SELPLG: variants seen among roughly 807,000 people sequenced by gnomAD.
The protein encoded by SELPLG is selectin P ligand.
Under a neutral mutation model 1.1 loss-of-function variants are expected in SELPLG, and 2 were observed. That is an observed-to-expected ratio of 1.82 (90% CI 0.74 to 5.71). The LOEUF is 5.71. Ranked by LOEUF, SELPLG falls within the 30% of genes most tolerant of loss-of-function variation. SELPLG has a pLI of 0.05. For missense variants in SELPLG, 478 were observed against 524.7 expected (o/e 0.91, Z 0.87); for synonymous variants, 230 against 221.2 (o/e 1.04, Z -0.35).
chr12:108,622,853 T>C lies in SELPLG; in HGVS notation c.*216A>G. On this transcript the variant is annotated 3_prime_UTR_variant, in exon 2 of 2. Coordinates refer to ENST00000550948, the MANE Select transcript of SELPLG (RefSeq NM_003006.4). ...TCGGCTGAAATGTGGCTGGGCTTCA[T>C]CCGCGGAGGGAGGAAAGAGGTGGCT... is the stretch of plus-strand genomic sequence containing the variant. 1 of 496,726 alleles carries C rather than the reference T, an allele frequency of 2.0e-6. No homozygotes were observed. The highest frequency in any genetic ancestry group is 3.5e-6 in the Non-Finnish European group (1 of 285,760). The allele number at this position is 496,726 out of a possible 1,614,324, so 30.8% of individuals were successfully genotyped here.
In SELPLG at chr12:108,623,720, T is replaced by C; in HGVS notation, c.588A>G (p.Pro196=). The change falls in exon 2 of 2, where the codon CCA becomes CCG. Residue 196 remains proline, a synonymous_variant. Transcript: ENST00000550948. ...CAGTGGTCTGTGCCTCCATGGCTGCTGGTGCAGTGGTCTGTGCCTCCAGGC... is the reference window on the plus strand; with the variant it reads ...CAGTGGTCTGTGCCTCCATGGCTGCCGGTGCAGTGGTCTGTGCCTCCAGGC... The part of the protein sequence containing the change: ...PTGLEAQTTA[P]AAMEAQTTAP... 1 of 1,600,814 alleles carries C rather than the reference T, an allele frequency of 6.2e-7. No individual in the cohort carries two copies. Among genetic ancestry groups the C allele is most frequent in the Non-Finnish European group, 8.5e-7 (1 of 1,177,014 alleles).
intron 1 of SELPLG, among the ~76,000 whole-genome samples, chr12:108,625,697 G>T (rs1276230876): frequency 6.6e-6 from 1 of 152,182 alleles, no homozygotes; most frequent in Non-Finnish European, 1.5e-5. Context: ...AGTGCCTCTT[G>T]TTTGGTCATC....
chr12:108,632,446 G>A (rs1308827238), intron 1 of SELPLG, among the ~76,000 whole-genome samples: 3 of 150,462 alleles, frequency 2.0e-5, no homozygotes, highest in African/African-American at 7.3e-5. Flanking sequence ...GTACAGCAGG[G>A]CACAACTGGC....
At chr12:108,631,375 A>G (rs897796591) in intron 1 of SELPLG, among the ~76,000 whole-genome samples, 1 of 151,922 alleles carries the variant, frequency 6.6e-6, no homozygotes, top group African/African-American at 2.4e-5. Context: ...CGATCCTCCC[A>G]AGTAGCTAGG....
At position 108,624,099 on chromosome 12, in the gene SELPLG, G is replaced by A. The variant is rs1437695336; in HGVS notation, c.209C>T (p.Thr70Ile). 4 of 1,614,120 alleles carry A rather than the reference G, an allele frequency of 2.5e-6. No individual in the cohort carries two copies. The African/African-American group carries it at 5.3e-5, about 22-fold the overall frequency. Reference sequence around the variant, plus strand: ...AGGGGTTCCAGGCCCAGTCAGAGGAGTGGTGTCAGTGCTGTTCCTCAGCAT... The same window carrying A: ...AGGGGTTCCAGGCCCAGTCAGAGGAATGGTGTCAGTGCTGTTCCTCAGCAT... ...PEMLRNSTDT[T>I]PLTGPGTPES... The change falls in exon 2 of 2, where the codon ACT (threonine) becomes ATT (isoleucine). Residue 70 changes from threonine (T) to isoleucine (I), a missense_variant. Thr to Ile is a moderately conservative substitution (Grantham distance 89, BLOSUM62 -1). Coordinates refer to ENST00000550948, the MANE Select transcript of SELPLG (RefSeq NM_003006.4).
Position 108,623,447 on chromosome 12 carries a change from A to G in SELPLG, c.861T>C (p.Ser287=), listed in dbSNP as rs1421221929. The G allele has an allele frequency of 6.2e-7, 1 of 1,614,148 alleles. No individual in the cohort carries two copies. The highest frequency in any genetic ancestry group is 1.3e-5 in the African/African-American group (1 of 74,948). Residue 287 remains serine (S), a synonymous_variant, in exon 2 of 2, where the codon TCT becomes TCC. Transcript: ENST00000550948. ...TTKRGLFIPF[S]VSSVTHKGIP... is the part of the protein sequence containing the mutation. ...TGCCCTTGTGAGTAACAGAGGACAC[A>G]GAAAAGGGTATGAACAGACCTCTTT...
chr12:108,630,824 A>G (rs2032034035), intron 1 of SELPLG, among the ~76,000 whole-genome samples: 1 of 152,128 alleles, frequency 6.6e-6, no homozygotes. Context: ...CTGTTCATTT[A>G]TTTTCTAAAA....
intron 1 of SELPLG, among the ~76,000 whole-genome samples, chr12:108,624,984 G>C (rs569118233): frequency 6.6e-6 from 1 of 151,974 alleles, no homozygotes; most frequent in African/African-American, 2.4e-5. Flanking sequence ...CACTGCGCCC[G>C]ACCTCATGTC....
At chr12:108,625,240 C>T (rs928294168) in intron 1 of SELPLG, among the ~76,000 whole-genome samples, 5 of 152,142 alleles carry the variant, frequency 3.3e-5, no homozygotes, top group Admixed American at 2.0e-4. Flanking sequence ...TGTCTTCCTC[C>T]TTCTCCTATC....
chr12:108,631,955 G>A (rs568508597), intron 1 of SELPLG: 45 of 1,534,746 alleles, frequency 2.9e-5, no homozygotes, highest in East Asian at 7.3e-5. Context: ...GGGTCACCAC[G>A]AACTCCATGG....
chr12:108,624,660 A>AGTTCTAT (rs1565889105), intron 1 of SELPLG, among the ~76,000 whole-genome samples: 1 of 149,158 alleles, frequency 6.7e-6, no homozygotes, highest in East Asian at 2.0e-4. Context: ...TTCTGCTTCT[A>AGTTCTAT]GTTCTATTAA....
intron 1 of SELPLG, among the ~76,000 whole-genome samples, chr12:108,628,012 T>C (rs1476919375): frequency 3.9e-5 from 6 of 152,074 alleles, no homozygotes; most frequent in East Asian, 3.9e-4. Flanking sequence ...CCTGGAGAGA[T>C]TGAGGCTGCA....
rs1592818157 is a variant in SELPLG, at chr12:108,624,049, C to T, written c.259G>A (p.Ala87Thr). Reference protein sequence around the residue: ...TPESTTVEPAARRSTGLDAGG... With the variant: ...TPESTTVEPATRRSTGLDAGG... ...GCATCCAGGCCAGTAGAACGCCTTG[C>T]AGCAGGCTCCACAGTGGTAGACTCA... Residue 87 changes from alanine (A) to threonine (T), a missense_variant, in exon 2 of 2, where the codon GCA becomes ACA. Ala to Thr is a moderately conservative substitution (Grantham distance 58, BLOSUM62 0). Transcript: ENST00000550948. The T allele has an allele frequency of 2.5e-6, 4 of 1,614,244 alleles. No individual in the cohort carries two copies. Among genetic ancestry groups the T allele is most frequent in the Non-Finnish European group, 3.4e-6 (4 of 1,180,034 alleles).
chr12:108,624,136 C>A lies in SELPLG; in HGVS notation c.172G>T (p.Glu58Ter). Reference sequence around the variant, plus strand: ...CTGTTCCTCAGCATTTCTGGAGGCTCCGTTTCTGGCAGGAAATCATAATCT... The same window carrying A: ...CTGTTCCTCAGCATTTCTGGAGGCTACGTTTCTGGCAGGAAATCATAATCT... ...YLDYDFLPET[E>*]PPEMLRNSTD... The change falls in exon 2 of 2, where the codon GAG becomes TAG. Residue 58 changes from glutamate to a stop codon, truncating the protein, a stop_gained. Coordinates refer to ENST00000550948, the MANE Select transcript of SELPLG (RefSeq NM_003006.4). LOFTEE classifies it low-confidence loss of function (END_TRUNC). 6.2e-7 allele frequency: 1 copy of A among 1,614,174 alleles called. No homozygotes were observed. Among genetic ancestry groups the A allele is most frequent in the Non-Finnish European group, 8.5e-7 (1 of 1,180,040 alleles).
chr12:108,626,941 C>T (rs935832296), intron 1 of SELPLG, among the ~76,000 whole-genome samples: 2 of 152,092 alleles, frequency 1.3e-5, no homozygotes, highest in Non-Finnish European at 2.9e-5. Flanking sequence ...CCTGTCTCTA[C>T]TAAAAATACA....
At chr12:108,633,568 C>T (rs192461179) in intron 1 of SELPLG, among the ~76,000 whole-genome samples, 172 bp downstream of exon 1, 24 of 152,298 alleles carry the variant, frequency 1.6e-4, no homozygotes, top group African/African-American at 4.6e-4. Context: ...AGGCCACAGA[C>T]TCCAGGAAGA....
At chr12:108,630,950 G>A (rs771347974) in intron 1 of SELPLG, among the ~76,000 whole-genome samples, 1 of 152,170 alleles carries the variant, frequency 6.6e-6, no homozygotes, top group African/African-American at 2.4e-5. Flanking sequence ...CGCAACACTC[G>A]CCCCAGTGGC....
intron 1 of SELPLG, among the ~76,000 whole-genome samples, chr12:108,629,718 A>G (rs1218286740): frequency 6.6e-6 from 1 of 152,034 alleles, no homozygotes; most frequent in Non-Finnish European, 1.5e-5. Flanking sequence ...AGAAAAAAAC[A>G]TATTTTTTTT....
Position 108,624,320 on chromosome 12 carries a change from G to A in SELPLG, c.-5-8C>T. On this transcript the variant is annotated splice_region_variant and splice_polypyrimidine_tract_variant and intron_variant, in intron 1 of 1. Transcript: ENST00000550948. ...GTTGCAGAGGCATGGCACCTAGGAG[G>A]AGACAATGGGCGGAGGGATGTCAAG... The A allele has an allele frequency of 6.2e-7, 1 of 1,611,374 alleles. No individual in the cohort carries two copies. Among genetic ancestry groups the A allele is most frequent in the African/African-American group, 1.3e-5 (1 of 74,938 alleles).
Sources: gnomAD v4.1 joint callset for allele counts (sites outside exome capture counted in the v4.1 genomes callset) on GRCh38, gnomAD v4.1.1 for gene constraint, MANE v1.5 for transcripts, NCBI Gene and HGNC (gene_info 2026-07-23, HGNC 2026-07-21) for gene names.